Variants in KIF7 observed in about 807,000 individuals in gnomAD.
KIF7 encodes kinesin-like protein KIF7.
In KIF7, 104 loss-of-function variants were observed where a neutral mutation model predicts 135.7. The observed-to-expected ratio is 0.77, with a 90% CI of 0.65 to 0.90. KIF7 has a LOEUF of 0.90. Ranked by LOEUF, KIF7 falls within the 40% of genes least tolerant of loss-of-function variation. The probability of loss-of-function intolerance (pLI) is 0.00; values close to 1 mark genes in which losing one functional copy is unlikely to be tolerated. For synonymous variants in KIF7, 883 were observed against 809.4 expected (o/e 1.09, Z -1.54); for missense variants, 2,005 against 1,839.1 (o/e 1.09, Z -1.65).
In KIF7 at chr15:89,632,803, TCCTGGCAGGGCCTCA is replaced by T. The variant is rs1487644502; in HGVS notation, c.2895+2_2895+16del. Reference sequence around the variant, plus strand: ...ACTGGACCTCACCTGGCAGGATCTCTCCTGGCAGGGCCTCACCTGGCTGGATCTCAGGCGCTTGCT... The same window carrying T: ...ACTGGACCTCACCTGGCAGGATCTCTCCTGGCTGGATCTCAGGCGCTTGCT... On this transcript the variant is annotated splice_donor_variant and splice_donor_5th_base_variant and intron_variant, in intron 14 of 18. Transcript: ENST00000394412. LOFTEE classifies it high-confidence loss of function. 4.4e-6 allele frequency: 7 copies of T among 1,598,542 alleles called. No individual in the cohort carries two copies. Among genetic ancestry groups the T allele is most frequent in the Middle Eastern group, 2.0e-4 (1 of 4,980 alleles).
chr15:89,624,427 G>A (rs79501973), downstream of KIF7: 16,027 of 1,614,132 alleles, frequency 9.9e-3, 1,040 homozygotes, highest in Admixed American at 0.14. Flanking sequence ...ATTGGACACC[G>A]TCCCTCCTCC....
intron 10 of KIF7, among the ~76,000 whole-genome samples, chr15:89,643,582 T>G (rs989320167): frequency 2.0e-5 from 3 of 152,226 alleles, no homozygotes; most frequent in Admixed American, 1.3e-4. Flanking sequence ...AATGTGCTTA[T>G]GCTCTGGTCA....
Position 89,641,692 on chromosome 15 carries a change from T to G in KIF7, c.2394+511A>C, listed in dbSNP as rs1164741132. 2.0e-5 allele frequency among the ~76,000 whole-genome samples: 3 copies of G among 152,082 alleles called. No individual in the cohort carries two copies. In the East Asian group the frequency reaches 5.8e-4, roughly 29 times the overall value. On this transcript the variant is annotated intron_variant, in intron 11 of 18. Transcript: ENST00000394412. ...GGCACGTGTCTGTAATCCCAGCTAC[T>G]CAGGAGGCTGAGACAGGAGAATCAC...
rs1473783632 is a variant in KIF7, at chr15:89,648,602, C to T, written c.1096G>A (p.Glu366Lys). The T allele has an allele frequency of 3.9e-5, 59 of 1,531,528 alleles. 1 individual carries two copies. Among genetic ancestry groups the T allele is most frequent in the Non-Finnish European group, 5.0e-5 (57 of 1,144,024 alleles). 94.9% of individuals were successfully genotyped at this position (1,531,528 alleles called of 1,614,324 possible). ...CCCCGCGCGCCGCTCGCCGTCTCTT[C>T]GGGTGGCCGCTCGGCCTCGGGCCGC... ...NWRPEAERPP[E>K]ETASGARGPP... The change falls in exon 5 of 19, where the codon GAA (glutamate) becomes AAA (lysine). Residue 366 changes from glutamate (E) to lysine (K), a missense_variant. By Grantham distance (56) the Glu-to-Lys change is moderately conservative. Coordinates refer to ENST00000394412, the MANE Select transcript of KIF7 (RefSeq NM_198525.3).
intron 4 of KIF7, 93 bp downstream of exon 4, chr15:89,648,881 C>A: frequency 6.8e-7 from 1 of 1,463,870 alleles, no homozygotes. Flanking sequence ...GGCTGGAGAC[C>A]TCAGGGGACC....
intron 2 of KIF7, among the ~76,000 whole-genome samples, chr15:89,652,031 G>T (rs142525324): frequency 6.6e-6 from 1 of 152,100 alleles, no homozygotes; most frequent in Non-Finnish European, 1.5e-5. Flanking sequence ...TTCTCTTGAG[G>T]AGCCACCCAG....
chr15:89,624,295 A>G, downstream of KIF7: 2 of 1,614,188 alleles, frequency 1.2e-6, no homozygotes, highest in Non-Finnish European at 1.7e-6. Context: ...TAGGAAATCT[A>G]AAATAGAGTG....
At chr15:89,641,180 G>T (rs570384247) in intron 11 of KIF7, among the ~76,000 whole-genome samples, 1 of 152,124 alleles carries the variant, frequency 6.6e-6, no homozygotes, top group African/African-American at 2.4e-5. Context: ...CCCTAATCCA[G>T]TATGACCAGG....
downstream of KIF7, chr15:89,624,888 C>G: frequency 6.2e-7 from 1 of 1,614,160 alleles, no homozygotes; most frequent in Non-Finnish European, 8.5e-7. Context: ...GTGACGTGCA[C>G]TGTACCACAG....
intron 11 of KIF7, among the ~76,000 whole-genome samples, chr15:89,640,302 T>C (rs1963894785): frequency 1.1e-5 from 1 of 92,120 alleles, no homozygotes; most frequent in Non-Finnish European, 3.3e-5. Context: ...TAATAATAAA[T>C]TAAAAATAAT....
At chr15:89,624,605 A>C (rs768452769), downstream of KIF7, 29 of 1,613,828 alleles carry the variant, frequency 1.8e-5, no homozygotes, top group South Asian at 3.1e-4. Context: ...CTCTCTCCTC[A>C]GTCTCCTCCT....
chr15:89,630,904 C>T, intron 15 of KIF7: 1 of 348,288 alleles, frequency 2.9e-6, no homozygotes, highest in Non-Finnish European at 5.6e-6. Flanking sequence ...TCACACAAAC[C>T]TAGATGGTAT....
Position 89,628,381 on chromosome 15 carries a change from T to G in KIF7, c.*38A>C, listed in dbSNP as rs1963578999. ...CAGGCAGCTGCCCCTTTCAGCAGGC[T>G]CGGAGTCTCCCTCCAAGGCAGGGTC... is the stretch of plus-strand genomic sequence containing the variant. On this transcript the variant is annotated 3_prime_UTR_variant, in exon 19 of 19. Transcript: ENST00000394412. 6.4e-7 allele frequency: 1 copy of G among 1,571,362 alleles called. No individual in the cohort carries two copies. Among genetic ancestry groups the G allele is most frequent in the African/African-American group, 1.4e-5 (1 of 73,504 alleles).
chr15:89,629,979 A>G lies in KIF7; in HGVS notation c.3318+308T>C, dbSNP rs559662267. 1.2e-4 allele frequency: 61 copies of G among 525,448 alleles called. 1 individual carries two copies. Among genetic ancestry groups the G allele is most frequent in the Non-Finnish European group, 2.0e-4 (57 of 290,844 alleles). 32.5% of individuals were successfully genotyped at this position (525,448 alleles called of 1,614,324 possible). A position where few individuals can be genotyped will look rare whatever the true frequency, so the allele number is the denominator to read the frequency against. ...TCCACCCCCACCACTGTGACAACCA[A>G]AAGTATCTCCAGCCATGGCCAAATG... On this transcript the variant is annotated intron_variant, in intron 16 of 18. Transcript: ENST00000394412.
Position 89,642,275 on chromosome 15 carries a change from G to A in KIF7, c.2322C>T (p.Leu774=). ...GCCGAGACCGCTCGCCAGCATCCTG[G>A]AGCTCCTTGCCCTCGAGCTCCCGCA... ...RQLRELEGKE[L]QDAGERSRLQ... is the part of the protein sequence containing the mutation. The change falls in exon 11 of 19, where the codon CTC becomes CTT. Residue 774 remains leucine (L), a synonymous_variant. Coordinates refer to ENST00000394412, the MANE Select transcript of KIF7 (RefSeq NM_198525.3). 1.2e-6 allele frequency: 2 copies of A among 1,610,446 alleles called. No homozygotes were observed. Among genetic ancestry groups the A allele is most frequent in the Non-Finnish European group, 1.7e-6 (2 of 1,179,714 alleles).
In KIF7 at chr15:89,630,513, T is replaced by A; in HGVS notation, c.3112-20A>T. The A allele has an allele frequency of 2.6e-6, 4 of 1,535,632 alleles. No individual in the cohort carries two copies. The highest frequency in any genetic ancestry group is 3.5e-6 in the Non-Finnish European group (4 of 1,136,828). On this transcript the variant is annotated intron_variant, in intron 15 of 18. Transcript: ENST00000394412. ...CTCCTCCTGCAGAGACGGGCACGCG[T>A]GGAGGAACAGCACCCACTGCCTGAA...
intron 11 of KIF7, among the ~76,000 whole-genome samples, chr15:89,634,755 T>A (rs986823249): frequency 6.6e-6 from 1 of 151,820 alleles, no homozygotes; most frequent in Non-Finnish European, 1.5e-5. Flanking sequence ...GGGGGAGGGG[T>A]GCCCACCATT....
At position 89,621,455 on chromosome 15, in the gene KIF7, A is replaced by G. The variant is rs765265639; in HGVS notation, c.181-3260T>C. 1.9e-5 allele frequency: 31 copies of G among 1,613,950 alleles called. No homozygotes were observed. The highest frequency in any genetic ancestry group is 8.8e-5 in the South Asian group (8 of 91,046). ...TCCCAAGAGTCTTCTTTTTGGGGCA[A>G]TGTCTGAGATGATCAGCCCCTCAGA... is the stretch of plus-strand genomic sequence containing the variant. On this transcript the variant is annotated intron_variant and NMD_transcript_variant, in intron 1 of 2. Transcript: ENST00000558928.
downstream of KIF7, chr15:89,626,955 G>A: frequency 1.9e-6 from 3 of 1,613,802 alleles, no homozygotes; most frequent in Non-Finnish European, 1.7e-6. Flanking sequence ...CCTTCTTCTA[G>A]ATGAGGATGT....
Sources: gnomAD v4.1 joint callset for allele counts (sites outside exome capture counted in the v4.1 genomes callset) on GRCh38, gnomAD v4.1.1 for gene constraint, MANE v1.5 for transcripts, NCBI Gene and HGNC (gene_info 2026-07-23, HGNC 2026-07-21) for gene names.